Variants in TMEM163 observed in about 807,000 individuals in gnomAD.
The protein encoded by TMEM163 is transmembrane protein 163.
TMEM163 carries 17 observed loss-of-function variants against 29.3 expected under a neutral mutation model. That is an observed-to-expected ratio of 0.58 (90% CI 0.40 to 0.87). The LOEUF is 0.87. Among genes scored for constraint, TMEM163 ranks in the 40% least tolerant of loss-of-function variants. The probability of loss-of-function intolerance (pLI) is 0.00; values close to 1 mark genes in which losing one functional copy is unlikely to be tolerated. For synonymous variants in TMEM163, 157 were observed against 160.6 expected (o/e 0.98, Z 0.17); for missense variants, 303 against 381.5 (o/e 0.79, Z 1.71).
chr2:134,542,917 G>T (rs1310744676), intron 4 of TMEM163, among the ~76,000 whole-genome samples: 4 of 152,156 alleles, frequency 2.6e-5, no homozygotes, highest in African/African-American at 7.2e-5. Flanking sequence ...TCCCGTGGGA[G>T]TCTACTCCCC....
intron 2 of TMEM163, among the ~76,000 whole-genome samples, chr2:134,591,750 T>C (rs1395616767): frequency 1.3e-5 from 2 of 152,108 alleles, no homozygotes; most frequent in Non-Finnish European, 2.9e-5. Flanking sequence ...AAGACTGACA[T>C]TCAGGGACTC....
chr2:134,636,444 C>G (rs1683107395), intron 2 of TMEM163, among the ~76,000 whole-genome samples: 1 of 152,176 alleles, frequency 6.6e-6, no homozygotes, highest in Non-Finnish European at 1.5e-5. Context: ...ATCATCGAAA[C>G]CGCCATTGCA....
rs1364528898 is a variant in TMEM163 at position 134,460,415 on chromosome 2, T to G, written c.668-2242A>C. On this transcript the variant is annotated intron_variant, in intron 6 of 7. Coordinates refer to ENST00000281924, the MANE Select transcript of TMEM163 (RefSeq NM_030923.5). This position sits in a 1 kb window ranked among gnomAD's most constrained non-coding sequence, Gnocchi z 4.3. Reference sequence around the variant, plus strand: ...CTGCCTCCAGCTAACAGGCGAGCTTTGCCATTTTAACCGCCCCCCTCCTCT... The same window carrying G: ...CTGCCTCCAGCTAACAGGCGAGCTTGGCCATTTTAACCGCCCCCCTCCTCT... Among the ~76,000 whole-genome samples, 1 of 152,098 alleles carries G rather than the reference T, an allele frequency of 6.6e-6. No homozygotes were observed. Among genetic ancestry groups the G allele is most frequent in the Non-Finnish European group, 1.5e-5 (1 of 68,004 alleles).
chr2:134,579,726 G>A (rs1039619750), intron 2 of TMEM163, among the ~76,000 whole-genome samples: 2 of 152,166 alleles, frequency 1.3e-5, no homozygotes, highest in Admixed American at 1.3e-4. Context: ...CATAAAGACA[G>A]GGCAGATTGT....
At chr2:134,548,126 G>A (rs948730532) in intron 4 of TMEM163, among the ~76,000 whole-genome samples, 1 of 151,966 alleles carries the variant, frequency 6.6e-6, no homozygotes, top group African/African-American at 2.4e-5. Context: ...AAAAAGCAGA[G>A]GGAAAAACTT....
chr2:134,461,502 T>C (rs1686535840), intron 6 of TMEM163, among the ~76,000 whole-genome samples: 1 of 152,156 alleles, frequency 6.6e-6, no homozygotes, highest in African/African-American at 2.4e-5. Flanking sequence ...TCCTCTGATT[T>C]GTAGTGTGTG....
At chr2:134,545,044 C>T (rs1354859394) in intron 4 of TMEM163, among the ~76,000 whole-genome samples, 1 of 151,152 alleles carries the variant, frequency 6.6e-6, no homozygotes, top group Non-Finnish European at 1.5e-5. Flanking sequence ...TATGCCTACA[C>T]AAGTGTGTGT....
intron 4 of TMEM163, among the ~76,000 whole-genome samples, chr2:134,530,596 G>C (rs1195906363): frequency 6.6e-6 from 1 of 152,038 alleles, no homozygotes; most frequent in Non-Finnish European, 1.5e-5. Flanking sequence ...ATATAAAATG[G>C]GCCCCAGAGA....
At chr2:134,618,720 G>A (rs1471078329) in intron 2 of TMEM163, among the ~76,000 whole-genome samples, 1 of 151,782 alleles carries the variant, frequency 6.6e-6, no homozygotes, top group Non-Finnish European at 1.5e-5. Context: ...AAAGACACTT[G>A]GGAAATCACC....
At chr2:134,679,761 A>G (rs766129362) in intron 2 of TMEM163, among the ~76,000 whole-genome samples, 4 of 152,212 alleles carry the variant, frequency 2.6e-5, no homozygotes, top group Non-Finnish European at 5.9e-5. Flanking sequence ...AGCTAGTAAG[A>G]GGTGCCCTGC....
chr2:134,666,603 T>G (rs775218333), intron 2 of TMEM163, among the ~76,000 whole-genome samples: 8 of 152,216 alleles, frequency 5.3e-5, no homozygotes, highest in Non-Finnish European at 1.0e-4. Context: ...CTTCTGGAAC[T>G]GAGTAGGGGA....
intron 2 of TMEM163, among the ~76,000 whole-genome samples, chr2:134,566,425 T>C (rs1441385099): frequency 1.3e-5 from 2 of 152,034 alleles, no homozygotes; most frequent in East Asian, 3.9e-4. Context: ...TAGCCAGGTG[T>C]GGTAGCACGT....
intron 6 of TMEM163, among the ~76,000 whole-genome samples, chr2:134,461,547 G>A (rs968553129): frequency 1.1e-4 from 16 of 152,142 alleles, no homozygotes; most frequent in Admixed American, 4.6e-4. Flanking sequence ...CTAGTACAAA[G>A]CAAGCTTCAG....
At chr2:134,516,647 AT>A (rs1156955363) in intron 4 of TMEM163, among the ~76,000 whole-genome samples, 3 of 147,976 alleles carry the variant, frequency 2.0e-5, no homozygotes, top group Non-Finnish European at 4.5e-5. Context: ...TCATACTTAT[AT>A]TCATACATAT....
intron 2 of TMEM163, among the ~76,000 whole-genome samples, chr2:134,596,828 C>T (rs1192024217): frequency 3.9e-5 from 6 of 152,176 alleles, no homozygotes; most frequent in African/African-American, 1.4e-4. Context: ...AGGTCCTTCA[C>T]ATCCCTTGTA....
At chr2:134,504,428 C>G (rs769911925) in intron 4 of TMEM163, among the ~76,000 whole-genome samples, 7 of 151,718 alleles carry the variant, frequency 4.6e-5, no homozygotes, top group Non-Finnish European at 1.0e-4. Context: ...AGGAACATCA[C>G]CCCCCAAGGG....
chr2:134,631,239 C>T (rs184326507), intron 2 of TMEM163, among the ~76,000 whole-genome samples: 72 of 152,278 alleles, frequency 4.7e-4, no homozygotes, highest in South Asian at 2.5e-3. Flanking sequence ...GGGAAGGGTC[C>T]TAGATAAGCA....
At chr2:134,528,630 G>GA (rs1406495726) in intron 4 of TMEM163, among the ~76,000 whole-genome samples, 8 of 152,086 alleles carry the variant, frequency 5.3e-5, no homozygotes, top group East Asian at 1.9e-4. Context: ...TTTGAAAAGT[G>GA]AAAAAAAGTT....
chr2:134,615,805 C>T (rs899817233), intron 2 of TMEM163, among the ~76,000 whole-genome samples: 2 of 151,850 alleles, frequency 1.3e-5, no homozygotes, highest in Admixed American at 1.3e-4. Flanking sequence ...TACAGGTGCC[C>T]GCTGCCATGC....
Sources: allele counts gnomAD v4.1 joint callset (sites outside exome capture counted in the v4.1 genomes callset), GRCh38; gene constraint gnomAD v4.1.1; non-coding constraint Gnocchi (gnomAD v3.1); transcripts MANE v1.5; gene names NCBI Gene and HGNC (gene_info 2026-07-23, HGNC 2026-07-21).